The following PMPCA variants were observed in gnomAD, a reference collection of about 807,000 sequenced individuals.
PMPCA encodes mitochondrial-processing peptidase subunit alpha.
Under a neutral mutation model 59.3 loss-of-function variants are expected in PMPCA, and 47 were observed. The ratio of observed to expected loss-of-function variants is 0.79; its 90% CI spans 0.63 to 1.01. PMPCA has a LOEUF of 1.01. PMPCA is among the 50% of genes least tolerant of loss of function. The pLI is 0.00. For missense variants in PMPCA, 726 were observed against 704.5 expected, an observed-to-expected ratio of 1.03 and a Z score of -0.34; for synonymous variants, 338 against 290.3, an observed-to-expected ratio of 1.16 and a Z score of -1.67.
chr9:136,410,821 G>A (rs1242245428), intron 1 of PMPCA, 82 bp downstream of exon 1: 1 of 1,171,594 alleles, frequency 8.5e-7, no homozygotes, highest in Non-Finnish European at 1.1e-6. Flanking sequence ...GGTTTCTACA[G>A]GTGACATGGC....
chr9:136,417,970 C>A (rs1430565744), intron 7 of PMPCA, 47 bp from the exon 8 acceptor site: 3 of 1,357,200 alleles, frequency 2.2e-6, no homozygotes, highest in Non-Finnish European at 3.2e-6. Context: ...TTTGCGAGCC[C>A]TCATTGTTTT....
Position 136,416,839 on chromosome 9 carries a change from C to T in PMPCA, c.634-112C>T, listed in dbSNP as rs1027203262. 3 of 965,882 alleles carry T rather than the reference C, an allele frequency of 3.1e-6. No individual in the cohort carries two copies. In the African/African-American group the frequency reaches 4.9e-5, roughly 16 times the overall value. The allele number at this position is 965,882 out of a possible 1,614,324, so 59.8% of individuals were successfully genotyped here. On this transcript the variant is annotated intron_variant, in intron 6 of 12. Coordinates refer to ENST00000371717, the MANE Select transcript of PMPCA (RefSeq NM_015160.3). The stretch of plus-strand genomic sequence containing the variant: ...TGCCAGAGTGCAAGTAAAATATCAG[C>T]TTGCGTCGGATTTTCCCAGGGCTGG...
chr9:136,410,903 C>G (rs533522885), intron 1 of PMPCA, among the ~76,000 whole-genome samples, 164 bp downstream of exon 1: 1 of 152,268 alleles, frequency 6.6e-6, no homozygotes, highest in Non-Finnish European at 1.5e-5. Context: ...TTGCTTTGCG[C>G]CTCGAGCCCG....
intron 4 of PMPCA, 28 bp from the exon 5 acceptor site, chr9:136,414,525 G>C (rs1255059965): frequency 6.8e-7 from 1 of 1,466,930 alleles, no homozygotes. Context: ...TTCAGGGCCT[G>C]GCATTATGGG....
intron 9 of PMPCA, 42 bp from the exon 10 acceptor site, chr9:136,418,785 CT>C: frequency 6.5e-7 from 1 of 1,541,960 alleles, no homozygotes; most frequent in Non-Finnish European, 9.0e-7. Context: ...TGGCCTGATC[CT>C]GGCGAGTCCC....
In PMPCA at chr9:136,410,686, G is replaced by C. The variant is rs528469507; in HGVS notation, c.18G>C (p.Leu6=). Residue 6 remains leucine (L), a synonymous_variant, in exon 1 of 13, where the codon CTG becomes CTC. Coordinates refer to ENST00000371717, the MANE Select transcript of PMPCA (RefSeq NM_015160.3). MAAVV[L]AATRLLRGSG... ...GACGCAAGATGGCGGCTGTGGTGCT[G>C]GCGGCGACGCGGTTGCTGCGGGGCT... 3 of 1,417,576 alleles carry C rather than the reference G, an allele frequency of 2.1e-6. No homozygotes were observed. In the South Asian group the frequency reaches 4.9e-5, roughly 23 times the overall value. The allele number at this position is 1,417,576 out of a possible 1,614,324, so 87.8% of individuals were successfully genotyped here. A position where few individuals can be genotyped will look rare whatever the true frequency, so the allele number is the denominator to read the frequency against.
At chr9:136,415,912 C>T (rs1005113285) in intron 5 of PMPCA, among the ~76,000 whole-genome samples, 6 of 152,220 alleles carry the variant, frequency 3.9e-5, no homozygotes, top group African/African-American at 4.8e-5. Flanking sequence ...GGATTACAGG[C>T]GTGAGCCACC....
chr9:136,412,601 A>T, intron 3 of PMPCA, 32 bp downstream of exon 3: 1 of 1,125,934 alleles, frequency 8.9e-7, no homozygotes, highest in Non-Finnish European at 1.3e-6. Flanking sequence ...TTTTTAGACT[A>T]TACTTTTGAA....
At chr9:136,414,483 G>A (rs1304263675) in intron 4 of PMPCA, 70 bp from the exon 5 acceptor site, 4 of 1,038,492 alleles carry the variant, frequency 3.9e-6, no homozygotes, top group South Asian at 1.3e-5. Context: ...CGCAAAGCCC[G>A]AGCGTCCCCT....
chr9:136,415,482 C>T (rs189367879), intron 5 of PMPCA, among the ~76,000 whole-genome samples: 2 of 152,338 alleles, frequency 1.3e-5, no homozygotes, highest in East Asian at 3.9e-4. Flanking sequence ...GAGTCCCTGT[C>T]AGGGGTGGAC....
rs539884453 is a variant in PMPCA at position 136,423,317 on chromosome 9, G to A, written c.*53G>A. ...GGAGCTGCAGCTGGAGCCCGTTCCC[G>A]TGCGTGTTAGTTTGGACACGAATTT... On this transcript the variant is annotated 3_prime_UTR_variant, in exon 13 of 13. Transcript: ENST00000371717. 9.7e-5 allele frequency: 151 copies of A among 1,550,422 alleles called. 2 individuals are homozygous for A. The Middle Eastern group carries it at 1.3e-3, about 13-fold the overall frequency.
chr9:136,417,994 C>T (rs1835329852), intron 7 of PMPCA, 23 bp from the exon 8 acceptor site: 2 of 1,566,392 alleles, frequency 1.3e-6, no homozygotes, highest in East Asian at 2.2e-5. Flanking sequence ...CATGGCGACA[C>T]TTGCTTGTTT....
chr9:136,419,087 T>C lies in PMPCA; in HGVS notation c.1244T>C (p.Met415Thr). 6.2e-7 allele frequency: 1 copy of C among 1,613,982 alleles called. No individual in the cohort carries two copies. Among genetic ancestry groups the C allele is most frequent in the Non-Finnish European group, 8.5e-7 (1 of 1,179,794 alleles). ...ATCATCACAAAGGAGTTTATTTTAA[T>C]GGGCGGAACCGTGGACACGGTAAGT... ...VEIITKEFIL[M>T]GGTVDTVELE... is the part of the protein sequence containing the mutation. Residue 415 changes from methionine (M) to threonine (T), a missense_variant, in exon 11 of 13, where the codon ATG becomes ACG. Transcript: ENST00000371717.
At chr9:136,419,307 C>T in intron 11 of PMPCA, 1 of 648,118 alleles carries the variant, frequency 1.5e-6, no homozygotes, top group Non-Finnish European at 2.8e-6. Context: ...GGCTGTTCTT[C>T]CCTGGTCCAA....
rs767690696 is a variant in PMPCA at position 136,421,898 on chromosome 9, G to A, written c.1330G>A (p.Val444Met). 71 of 1,611,912 alleles carry A rather than the reference G, an allele frequency of 4.4e-5. 1 individual carries two copies. The South Asian group carries it at 7.4e-4, about 17-fold the overall frequency. ...MLMMNLESRP[V>M]IFEDVGRQVL... ...CATGATGAACCTGGAATCCAGGCCT[G>A]TGATCTTCGAGGATGTGGGGAGGCA... is the stretch of plus-strand genomic sequence containing the variant. Residue 444 changes from valine to methionine, a missense_variant, in exon 12 of 13, where the codon GTG (valine) becomes ATG (methionine). By Grantham distance (21) the Val-to-Met change is conservative (BLOSUM62 1). Transcript: ENST00000371717.
Position 136,419,131 on chromosome 9 carries a change from C to T in PMPCA, c.1263+25C>T, listed in dbSNP as rs1382818657. On this transcript the variant is annotated intron_variant, in intron 11 of 12. Coordinates refer to ENST00000371717, the MANE Select transcript of PMPCA (RefSeq NM_015160.3). ...GGTAAGTGCAGTGTGGCGCCATTTC[C>T]AGGCGTACCTGTGGTGTCTGACAGG... 5 of 1,599,440 alleles carry T rather than the reference C, an allele frequency of 3.1e-6. No individual in the cohort carries two copies. The Admixed American group carries it at 5.0e-5, about 16-fold the overall frequency.
chr9:136,418,017 C>T lies in PMPCA; in HGVS notation c.898C>T (p.Leu300=), dbSNP rs367842953. Residue 300 remains leucine (L), a splice_region_variant and synonymous_variant, in exon 8 of 13, where the codon CTA becomes TTA. Coordinates refer to ENST00000371717, the MANE Select transcript of PMPCA (RefSeq NM_015160.3). ...VAQYTGGIAK[L]ERDMSNVSLG... ...CACTTGCTTGTTTTCTTGGTTACAG[C>T]TAGAAAGAGACATGTCCAATGTCAG... is the stretch of plus-strand genomic sequence containing the variant. 3 of 1,610,236 alleles carry T rather than the reference C, an allele frequency of 1.9e-6. No individual in the cohort carries two copies. The highest frequency in any genetic ancestry group is 2.2e-5 in the East Asian group (1 of 44,872).
intron 4 of PMPCA, 80 bp downstream of exon 4, chr9:136,412,972 C>A: frequency 1.2e-6 from 1 of 851,614 alleles, no homozygotes; most frequent in Non-Finnish European, 2.0e-6. Flanking sequence ...TCCCTCTGAG[C>A]CCCTCCCAGC....
chr9:136,419,543 C>T, intron 11 of PMPCA: 1 of 255,606 alleles, frequency 3.9e-6, no homozygotes, highest in South Asian at 5.3e-5. Flanking sequence ...GAGCCTTTCC[C>T]TGGCTCCATT....
Sources: gnomAD v4.1 joint callset for allele counts (sites outside exome capture counted in the v4.1 genomes callset) on GRCh38, gnomAD v4.1.1 for gene constraint, MANE v1.5 for transcripts, NCBI Gene and HGNC (gene_info 2026-07-23, HGNC 2026-07-21) for gene names.